UBE2E2: variants seen among roughly 807,000 people sequenced by gnomAD.
The protein encoded by UBE2E2 is ubiquitin-conjugating enzyme E2 E2.
Under a neutral mutation model 24.7 loss-of-function variants are expected in UBE2E2, and 6 were observed. The observed-to-expected ratio is 0.24, with a 90% confidence interval of 0.13 to 0.48. The LOEUF (loss-of-function observed/expected upper bound fraction) is 0.48, where lower values mean the gene tolerates loss of function less well. Among genes scored for constraint, UBE2E2 ranks in the 20% least tolerant of loss-of-function variants. The pLI, the probability that UBE2E2 is intolerant of heterozygous loss-of-function variation, is 0.99. For synonymous variants in UBE2E2, 104 were observed against 83.6 expected, an observed-to-expected ratio of 1.24 and a Z score of -1.33; for missense variants, 169 against 245.0, an observed-to-expected ratio of 0.69 and a Z score of 2.07.
intron 3 of UBE2E2, among the ~76,000 whole-genome samples, chr3:23,409,333 A>G (rs777169850): frequency 3.3e-5 from 5 of 152,194 alleles, no homozygotes; most frequent in Admixed American, 1.3e-4. Flanking sequence ...ATGCCAAACC[A>G]AAGTCAGCGT....
chr3:23,406,612 A>G (rs1697361588), intron 3 of UBE2E2, among the ~76,000 whole-genome samples: 2 of 152,186 alleles, frequency 1.3e-5, no homozygotes, highest in South Asian at 2.1e-4. Flanking sequence ...CTAGGTGGAA[A>G]GATTTTGGTT....
At chr3:23,209,814 T>C (rs1266116181) in intron 2 of UBE2E2, among the ~76,000 whole-genome samples, 1 of 152,138 alleles carries the variant, frequency 6.6e-6, no homozygotes, top group Non-Finnish European at 1.5e-5. Flanking sequence ...TCAGGACCCT[T>C]GGTGAGAGAT....
At chr3:23,498,902 CAT>C (rs1245535428) in intron 3 of UBE2E2, among the ~76,000 whole-genome samples, 5 of 152,170 alleles carry the variant, frequency 3.3e-5, no homozygotes, top group African/African-American at 9.7e-5. Flanking sequence ...AACTCAGAGA[CAT>C]GTGTACTGCT....
intron 3 of UBE2E2, among the ~76,000 whole-genome samples, chr3:23,272,483 A>G (rs1015051150): frequency 1.4e-4 from 21 of 152,182 alleles, no homozygotes; most frequent in African/African-American, 2.4e-4. Flanking sequence ...GGGCTCCTCA[A>G]GGGTGGCCAG....
chr3:23,300,095 T>G (rs1262876440), intron 3 of UBE2E2, among the ~76,000 whole-genome samples: 2 of 152,190 alleles, frequency 1.3e-5, no homozygotes, highest in Non-Finnish European at 2.9e-5. Context: ...TATCAGAGAC[T>G]AGGATTGCAA....
At chr3:23,504,027 C>T (rs62255784) in intron 4 of UBE2E2, among the ~76,000 whole-genome samples, 26,083 of 152,006 alleles carry the variant, frequency 0.17, 2,398 homozygotes, top group South Asian at 0.23. Flanking sequence ...TGCCTGTAAT[C>T]TCCCCCAAAC....
At chr3:23,563,122 T>C (rs1695976934) in intron 5 of UBE2E2, among the ~76,000 whole-genome samples, 1 of 152,184 alleles carries the variant, frequency 6.6e-6, no homozygotes, top group African/African-American at 2.4e-5. Flanking sequence ...CTTTTGAATG[T>C]GTTTGCTCTT....
At chr3:23,301,929 T>A (rs1330167845) in intron 3 of UBE2E2, among the ~76,000 whole-genome samples, 1 of 142,484 alleles carries the variant, frequency 7.0e-6, no homozygotes, top group African/African-American at 3.1e-5. Flanking sequence ...CTTCGCTTAA[T>A]TAATCTTTCT....
chr3:23,545,356 G>C (rs1695497696), intron 5 of UBE2E2, among the ~76,000 whole-genome samples: 1 of 152,184 alleles, frequency 6.6e-6, no homozygotes, highest in Admixed American at 6.5e-5. Flanking sequence ...GTGTCCCTGG[G>C]TACTTGAGAT....
At chr3:23,532,082 A>G (rs954034494) in intron 4 of UBE2E2, among the ~76,000 whole-genome samples, 1 of 151,758 alleles carries the variant, frequency 6.6e-6, no homozygotes. Flanking sequence ...AAAAAGAAAA[A>G]AAAACTGTTA....
At chr3:23,287,074 T>TGTC (rs1421577555) in intron 3 of UBE2E2, among the ~76,000 whole-genome samples, 1 of 152,268 alleles carries the variant, frequency 6.6e-6, no homozygotes, top group East Asian at 1.9e-4. Flanking sequence ...GTCTGTCATA[T>TGTC]ATAGCTTTTA....
At chr3:23,330,598 G>A (rs1013526542) in intron 3 of UBE2E2, among the ~76,000 whole-genome samples, 3 of 152,222 alleles carry the variant, frequency 2.0e-5, no homozygotes, top group African/African-American at 7.2e-5. Flanking sequence ...ATAAGGCAGA[G>A]TGCTTTCCCT....
intron 3 of UBE2E2, among the ~76,000 whole-genome samples, chr3:23,318,699 C>T (rs1475969890): frequency 1.3e-5 from 2 of 152,232 alleles, no homozygotes; most frequent in South Asian, 4.2e-4. Context: ...TTCACTACCA[C>T]GAGAACAGTA....
At chr3:23,536,695 G>C (rs763073989) in intron 5 of UBE2E2, among the ~76,000 whole-genome samples, 5 of 152,170 alleles carry the variant, frequency 3.3e-5, no homozygotes, top group Non-Finnish European at 5.9e-5. Context: ...TTGATATATG[G>C]AATTTAGTTC....
At chr3:23,300,248 C>T (rs1699034305) in intron 3 of UBE2E2, among the ~76,000 whole-genome samples, 1 of 151,888 alleles carries the variant, frequency 6.6e-6, no homozygotes, top group African/African-American at 2.4e-5. Context: ...ATTTGCCAGT[C>T]TGTGTCTTTT....
intron 5 of UBE2E2, among the ~76,000 whole-genome samples, chr3:23,579,978 C>T (rs1345113400): frequency 6.6e-6 from 1 of 152,102 alleles, no homozygotes; most frequent in Non-Finnish European, 1.5e-5. Flanking sequence ...AGCAAGAGAA[C>T]TAGAATTAGA....
At chr3:23,411,199 T>G (rs1350201485) in intron 3 of UBE2E2, among the ~76,000 whole-genome samples, 1 of 152,204 alleles carries the variant, frequency 6.6e-6, no homozygotes, top group Non-Finnish European at 1.5e-5. Flanking sequence ...GGCTGTGGGT[T>G]GAGCCCTCTC....
chr3:23,369,296 C>G (rs1311628396), intron 3 of UBE2E2, among the ~76,000 whole-genome samples: 4 of 152,240 alleles, frequency 2.6e-5, no homozygotes, highest in Middle Eastern at 6.8e-3. Context: ...CTCCTGAGAT[C>G]AGTAAAACTT....
intron 3 of UBE2E2, among the ~76,000 whole-genome samples, chr3:23,219,705 A>T (rs1244616725): frequency 1.3e-5 from 2 of 152,142 alleles, no homozygotes; most frequent in Non-Finnish European, 2.9e-5. Flanking sequence ...CCCTTTGTGG[A>T]TTACCTCTCC....
Sources: gnomAD v4.1 joint callset for allele counts (sites outside exome capture counted in the v4.1 genomes callset) on GRCh38, gnomAD v4.1.1 for gene constraint, MANE v1.5 for transcripts, NCBI Gene and HGNC (gene_info 2026-07-23, HGNC 2026-07-21) for gene names.